Variants in NCR2 observed in about 807,000 individuals in gnomAD.
The protein encoded by NCR2 is natural cytotoxicity triggering receptor 2.
In NCR2, 35 loss-of-function variants were observed where a neutral mutation model predicts 30.7. That is an observed-to-expected ratio of 1.14 (90% CI 0.87 to 1.51). The LOEUF is 1.51. Among genes scored for constraint, NCR2 ranks in the 40% most tolerant of loss-of-function variants. The pLI is 0.00. For synonymous variants in NCR2, 146 were observed against 134.8 expected, an observed-to-expected ratio of 1.08 and a Z score of -0.58; for missense variants, 316 against 328.9, an observed-to-expected ratio of 0.96 and a Z score of 0.30.
chr6:41,336,571 G>A (rs756193777), intron 2 of NCR2, 143 bp downstream of exon 2: 6 of 655,246 alleles, frequency 9.2e-6, no homozygotes, highest in African/African-American at 3.6e-5. Flanking sequence ...GGTGCAGGGG[G>A]AACTCATATG....
In NCR2 at chr6:41,350,748, C is replaced by T. The variant is rs142822107; in HGVS notation, c.715C>T (p.Gln239Ter). The T allele has an allele frequency of 4.3e-6, 7 of 1,612,702 alleles. No homozygotes were observed. The highest frequency in any genetic ancestry group is 4.0e-5 in the African/African-American group (3 of 74,912). The change falls in exon 5 of 5, where the codon CAA (glutamine) becomes TAA (stop). Residue 239 changes from glutamine to a stop codon, truncating the protein, a stop_gained. Coordinates refer to ENST00000373089, the MANE Select transcript of NCR2 (RefSeq NM_004828.4). LOFTEE classifies it high-confidence loss of function. Reference protein sequence around the residue: ...LDTQKATCHLQQVTDLPWTSV... With the variant: ...LDTQKATCHL ...TACCCAAAAAGCCACCTGCCACCTTCAACAGGTCACGGACCTTCCCTGGAC... is the reference window on the plus strand; with the variant it reads ...TACCCAAAAAGCCACCTGCCACCTTTAACAGGTCACGGACCTTCCCTGGAC...
chr6:41,336,148 G>T lies in NCR2; in HGVS notation c.114G>T (p.Val38=), dbSNP rs549318360. Residue 38 remains valine (V), a synonymous_variant, in exon 2 of 5, where the codon GTG becomes GTT. Coordinates refer to ENST00000373089, the MANE Select transcript of NCR2 (RefSeq NM_004828.4). ...LQSVAGQTLT[V]RCQYPPTGSL... ...GTGTGGCAGGGCAGACGCTAACCGT[G>T]AGATGCCAGTACCCGCCCACGGGCA... is the stretch of plus-strand genomic sequence containing the variant. 2.2e-5 allele frequency: 35 copies of T among 1,614,150 alleles called. No homozygotes were observed. The South Asian group carries it at 3.8e-4, about 18-fold the overall frequency.
At position 41,341,846 on chromosome 6, in the gene NCR2, G is replaced by A. The variant is rs1769178494; in HGVS notation, c.447G>A (p.Gln149=). ...SWTPRDLVSS[Q]TQTQSCVPPT... ...CTCCCCGCGACCTGGTCTCTTCACA[G>A]ACCCAGACCCAGAGCTGTGTGCCTC... Residue 149 remains glutamine, a synonymous_variant, in exon 3 of 5, where the codon CAG becomes CAA. Transcript: ENST00000373089. 6.2e-7 allele frequency: 1 copy of A among 1,613,092 alleles called. No homozygotes were observed. Among genetic ancestry groups the A allele is most frequent in the African/African-American group, 1.3e-5 (1 of 74,892 alleles).
chr6:41,342,058 C>A lies in NCR2; in HGVS notation c.553C>A (p.Pro185Thr), dbSNP rs536210974. 3.1e-6 allele frequency: 5 copies of A among 1,613,976 alleles called. No individual in the cohort carries two copies. The East Asian group carries it at 1.1e-4, about 36-fold the overall frequency. Residue 185 changes from proline to threonine, a missense_variant, in exon 4 of 5, where the codon CCT (proline) becomes ACT (threonine). Transcript: ENST00000373089. ...CAGGCCACAGAACTCCACGCTCCGC[C>A]CTGGCCCTGCAGCCCCCATTGCCCT... The part of the protein sequence containing the change: ...PSQPQNSTLR[P>T]GPAAPIALVP...
chr6:41,342,246 T>C, intron 4 of NCR2, 97 bp downstream of exon 4: 1 of 1,503,342 alleles, frequency 6.7e-7, no homozygotes, highest in African/African-American at 1.4e-5. Flanking sequence ...AGAACAGAGG[T>C]GGAAATTATA....
rs1769001478 is a variant in NCR2 at position 41,335,732 on chromosome 6, C to T, written c.-145C>T. ...CCACAGAATCTGCCCTTTGCAGTCTCCCATCTCCCCAACCCAGGCCTCAGC... is the reference window on the plus strand; with the variant it reads ...CCACAGAATCTGCCCTTTGCAGTCTTCCATCTCCCCAACCCAGGCCTCAGC... On this transcript the variant is annotated 5_prime_UTR_variant, in exon 1 of 5. Transcript: ENST00000373089. The T allele has an allele frequency of 3.4e-6, 3 of 893,782 alleles. No individual in the cohort carries two copies. In the African/African-American group the frequency reaches 4.9e-5, roughly 15 times the overall value. The allele number at this position is 893,782 out of a possible 1,614,324, so 55.4% of individuals were successfully genotyped here.
At chr6:41,337,719 A>G (rs1769070502) in intron 2 of NCR2, among the ~76,000 whole-genome samples, 1 of 152,238 alleles carries the variant, frequency 6.6e-6, no homozygotes. Context: ...CAATTCCGAC[A>G]AGCTCAACAG....
In NCR2 at chr6:41,350,725, C is replaced by T. The variant is rs1769408550; in HGVS notation, c.692C>T (p.Thr231Ile). The T allele has an allele frequency of 6.2e-7, 1 of 1,613,958 alleles. No homozygotes were observed. The highest frequency in any genetic ancestry group is 1.3e-5 in the African/African-American group (1 of 74,912). The change falls in exon 5 of 5, where the codon ACC (threonine) becomes ATC (isoleucine). Residue 231 changes from threonine to isoleucine, a missense_variant. Physicochemically the swap from Thr to Ile is moderately conservative, Grantham distance 89. Transcript: ENST00000373089. The part of the protein sequence containing the change: ...KTMMELRSLD[T>I]QKATCHLQQV... ...ATGATGGAGCTCAGGAGCCTGGATA[C>T]CCAAAAAGCCACCTGCCACCTTCAA...
In NCR2 at chr6:41,336,180, A is replaced by G; in HGVS notation, c.146A>G (p.Tyr49Cys). The G allele has an allele frequency of 6.2e-7, 1 of 1,614,176 alleles. No homozygotes were observed. Among genetic ancestry groups the G allele is most frequent in the Non-Finnish European group, 8.5e-7 (1 of 1,180,040 alleles). Residue 49 changes from tyrosine to cysteine, a missense_variant, in exon 2 of 5, where the codon TAC (tyrosine) becomes TGC (cysteine). By Grantham distance (194) the Tyr-to-Cys change is radical. Coordinates refer to ENST00000373089, the MANE Select transcript of NCR2 (RefSeq NM_004828.4). ...CAGTACCCGCCCACGGGCAGTCTCT[A>G]CGAGAAGAAAGGCTGGTGTAAGGAG... ...RCQYPPTGSL[Y>C]EKKGWCKEAS...
chr6:41,347,296 A>C (rs1248294949), intron 4 of NCR2, among the ~76,000 whole-genome samples: 1 of 152,192 alleles, frequency 6.6e-6, no homozygotes, highest in Non-Finnish European at 1.5e-5. Context: ...GACCATCAGA[A>C]TCTAAATGGG....
intron 2 of NCR2, among the ~76,000 whole-genome samples, chr6:41,337,892 G>A (rs1045817967): frequency 6.6e-6 from 1 of 152,076 alleles, no homozygotes; most frequent in African/African-American, 2.4e-5. Context: ...AATTTCCTCT[G>A]CATATATCTT....
intron 2 of NCR2, among the ~76,000 whole-genome samples, chr6:41,338,455 C>T (rs1050207453): frequency 6.6e-6 from 1 of 152,148 alleles, no homozygotes; most frequent in African/African-American, 2.4e-5. Context: ...TAAAATCTAG[C>T]CCAAGACTTC....
intron 4 of NCR2, among the ~76,000 whole-genome samples, chr6:41,345,019 C>T (rs1769267912): frequency 6.6e-6 from 1 of 152,016 alleles, no homozygotes; most frequent in Non-Finnish European, 1.5e-5. Flanking sequence ...TCTGTTCCCA[C>T]CCAGGCCCCC....
chr6:41,339,710 A>G (rs2114052002), intron 2 of NCR2, among the ~76,000 whole-genome samples: 1 of 152,308 alleles, frequency 6.6e-6, no homozygotes, highest in Middle Eastern at 3.4e-3. Context: ...AACCTTAATC[A>G]CATCTGCAAA....
chr6:41,340,565 C>T (rs551169095), intron 2 of NCR2, among the ~76,000 whole-genome samples: 43 of 152,334 alleles, frequency 2.8e-4, no homozygotes, highest in African/African-American at 1.0e-3. Context: ...AATTTGACAA[C>T]ACCCAAGCTG....
At position 41,335,933 on chromosome 6, in the gene NCR2, G is replaced by C. The variant is rs558763585; in HGVS notation, c.52+5G>C. On this transcript the variant is annotated splice_donor_5th_base_variant and intron_variant, in intron 1 of 4. Coordinates refer to ENST00000373089, the MANE Select transcript of NCR2 (RefSeq NM_004828.4). Reference sequence around the variant, plus strand: ...TGCTGCTGCTGCTGTTCCCAGGTGAGGGGGAGGAGGAGCCCAGGGAGCAGA... The same window carrying C: ...TGCTGCTGCTGCTGTTCCCAGGTGACGGGGAGGAGGAGCCCAGGGAGCAGA... 2 of 1,570,944 alleles carry C rather than the reference G, an allele frequency of 1.3e-6. No homozygotes were observed. Among genetic ancestry groups the C allele is most frequent in the African/African-American group, 1.4e-5 (1 of 74,018 alleles).
intron 2 of NCR2, among the ~76,000 whole-genome samples, chr6:41,340,490 A>T (rs951088208): frequency 6.6e-6 from 1 of 152,102 alleles, no homozygotes; most frequent in Non-Finnish European, 1.5e-5. Flanking sequence ...AGTATCACAC[A>T]CTGTAACATG....
At chr6:41,345,900 T>C (rs935412271) in intron 4 of NCR2, among the ~76,000 whole-genome samples, 1 of 152,170 alleles carries the variant, frequency 6.6e-6, no homozygotes, top group African/African-American at 2.4e-5. Context: ...CCGAGGACAA[T>C]GCTTTCTCCG....
rs1372262187 is a variant in NCR2 at position 41,336,193 on chromosome 6, C to G, written c.159C>G (p.Gly53=). 15 of 1,614,084 alleles carry G rather than the reference C, an allele frequency of 9.3e-6. No individual in the cohort carries two copies. The highest frequency in any genetic ancestry group is 1.3e-5 in the Non-Finnish European group (15 of 1,180,052). Residue 53 remains glycine (G), a synonymous_variant, in exon 2 of 5, where the codon GGC becomes GGG. Coordinates refer to ENST00000373089, the MANE Select transcript of NCR2 (RefSeq NM_004828.4). ...PPTGSLYEKK[G]WCKEASALVC... ...CGGGCAGTCTCTACGAGAAGAAAGG[C>G]TGGTGTAAGGAGGCTTCAGCACTTG... is the stretch of plus-strand genomic sequence containing the variant.
Sources: gnomAD v4.1 joint callset for allele counts (sites outside exome capture counted in the v4.1 genomes callset) on GRCh38, gnomAD v4.1.1 for gene constraint, MANE v1.5 for transcripts, NCBI Gene and HGNC (gene_info 2026-07-23, HGNC 2026-07-21) for gene names.